Variants in LMBR1 observed in about 807,000 individuals in gnomAD.
LMBR1 encodes limb development membrane protein 1.
In LMBR1, 52 loss-of-function variants were observed where a neutral mutation model predicts 73.9. That is an observed-to-expected ratio of 0.70 (90% confidence interval 0.56 to 0.89). The LOEUF (loss-of-function observed/expected upper bound fraction) is 0.89, where lower values mean the gene tolerates loss of function less well. LMBR1 is among the 40% of genes least tolerant of loss of function. The pLI, the probability that LMBR1 is intolerant of heterozygous loss-of-function variation, is 0.00. For synonymous variants in LMBR1, 215 were observed against 209.4 expected (o/e 1.03, Z -0.23); for missense variants, 539 against 579.8 (o/e 0.93, Z 0.72).
chr7:156,832,152 T>A (rs1836808261), intron 3 of LMBR1, among the ~76,000 whole-genome samples: 1 of 152,230 alleles, frequency 6.6e-6, no homozygotes, highest in Non-Finnish European at 1.5e-5. Flanking sequence ...ATTTCCAGCA[T>A]AAAGTTACAG....
chr7:156,779,229 T>C lies in LMBR1; in HGVS notation c.424-15434A>G, dbSNP rs1190712791. ...TATTTTTATTTCCCAGTATGAACAC[T>C]TATCCTGCCATCCCCCACAAAAAAA... On this transcript the variant is annotated intron_variant, in intron 5 of 16. Coordinates refer to ENST00000353442, the MANE Select transcript of LMBR1 (RefSeq NM_022458.4). Among the ~76,000 whole-genome samples the C allele has an allele frequency of 1.3e-5, 2 of 152,202 alleles. No individual in the cohort carries two copies. Among genetic ancestry groups the C allele is most frequent in the African/African-American group, 4.8e-5 (2 of 41,436 alleles).
intron 4 of LMBR1, among the ~76,000 whole-genome samples, chr7:156,801,428 C>T (rs979624857): frequency 6.6e-6 from 1 of 152,158 alleles, no homozygotes. Context: ...TCTGAGAAAT[C>T]AAAAAATTTG....
chr7:156,736,520 C>T (rs1817900158), intron 9 of LMBR1: 3 of 456,652 alleles, frequency 6.6e-6, no homozygotes, highest in Non-Finnish European at 8.8e-6. Context: ...TCTCCTCCCT[C>T]CTGAATCCAT....
chr7:156,838,136 G>A lies in LMBR1; in HGVS notation c.67-1251C>T, dbSNP rs115586016. 4.2e-3 allele frequency among the ~76,000 whole-genome samples: 640 copies of A among 152,126 alleles called. 1 individual carries two copies. The highest frequency in any genetic ancestry group is 0.014 in the African/African-American group (580 of 41,486). ...AATAGAAGTTATACATATTTACTGT[G>A]TACAAAATGTTTTAAAATAAGATAC... On this transcript the variant is annotated intron_variant, in intron 1 of 16. Transcript: ENST00000353442.
At chr7:156,736,527 C>T (rs561566992) in intron 9 of LMBR1, 71 of 456,348 alleles carry the variant, frequency 1.6e-4, no homozygotes, top group Admixed American at 9.4e-4. Flanking sequence ...CCTCCTGAAT[C>T]CATTTTCCCA....
intron 4 of LMBR1, among the ~76,000 whole-genome samples, chr7:156,805,932 T>C (rs1831975706): frequency 6.6e-6 from 1 of 152,136 alleles, no homozygotes; most frequent in South Asian, 2.1e-4. Flanking sequence ...CTCTCAGCCA[T>C]GGAAGGATGC....
intron 3 of LMBR1, 21 bp from the exon 4 acceptor site, chr7:156,826,765 C>A: frequency 6.3e-7 from 1 of 1,591,074 alleles, no homozygotes; most frequent in South Asian, 1.1e-5. Context: ...GGAGAGTCAC[C>A]ATCACAAGTG....
At chr7:156,821,396 G>A (rs1374577501) in intron 4 of LMBR1, among the ~76,000 whole-genome samples, 1 of 152,218 alleles carries the variant, frequency 6.6e-6, no homozygotes, top group Non-Finnish European at 1.5e-5. Flanking sequence ...GTGGACAACT[G>A]CAGCACTACT....
chr7:156,699,277 C>T (rs1266118433), intron 15 of LMBR1, among the ~76,000 whole-genome samples: 1 of 152,124 alleles, frequency 6.6e-6, no homozygotes, highest in African/African-American at 2.4e-5. Flanking sequence ...TGATCTTTGA[C>T]AAACCTGACA....
chr7:156,795,286 T>C (rs1829884764), intron 5 of LMBR1, among the ~76,000 whole-genome samples: 1 of 152,178 alleles, frequency 6.6e-6, no homozygotes, highest in Non-Finnish European at 1.5e-5. Context: ...GACTTCATTA[T>C]ATAAAAGGGC....
At chr7:156,673,919 A>AAAAG (rs1803191137), downstream of LMBR1, among the ~76,000 whole-genome samples, 4 of 150,196 alleles carry the variant, frequency 2.7e-5, no homozygotes, top group South Asian at 4.2e-4. Context: ...AAAAAAAAAA[A>AAAAG]AAAGAAAAAG....
intron 1 of LMBR1, among the ~76,000 whole-genome samples, chr7:156,884,124 T>C (rs1372812366): frequency 1.3e-5 from 2 of 152,244 alleles, no homozygotes; most frequent in East Asian, 3.9e-4. Flanking sequence ...TGGATTTGTT[T>C]CTAATACATC....
At chr7:156,738,026 G>C (rs1345973390) in intron 9 of LMBR1, among the ~76,000 whole-genome samples, 1 of 152,148 alleles carries the variant, frequency 6.6e-6, no homozygotes, top group Non-Finnish European at 1.5e-5. Context: ...AACCAGGTGA[G>C]CACTCACAGT....
chr7:156,839,663 T>G (rs1451043947), intron 1 of LMBR1, among the ~76,000 whole-genome samples: 1 of 152,120 alleles, frequency 6.6e-6, no homozygotes, highest in African/African-American at 2.4e-5. Flanking sequence ...CACATCATCA[T>G]GTAGGAATGA....
chr7:156,723,822 G>A (rs2132359291), intron 15 of LMBR1, among the ~76,000 whole-genome samples: 1 of 152,150 alleles, frequency 6.6e-6, no homozygotes, highest in South Asian at 2.1e-4. Context: ...TAGAGGACTC[G>A]AAAGCCTAAC....
chr7:156,693,700 C>T (rs1266866128), intron 15 of LMBR1, among the ~76,000 whole-genome samples: 1 of 152,142 alleles, frequency 6.6e-6, no homozygotes, highest in Non-Finnish European at 1.5e-5. Flanking sequence ...AAGGTAAATT[C>T]AACCAGACAA....
intron 15 of LMBR1, among the ~76,000 whole-genome samples, chr7:156,694,008 T>G (rs1193742874): frequency 1.3e-5 from 2 of 152,168 alleles, no homozygotes; most frequent in African/African-American, 4.8e-5. Flanking sequence ...TGAAGGTCAA[T>G]CAATGTGATA....
intron 9 of LMBR1, among the ~76,000 whole-genome samples, chr7:156,742,785 C>T (rs1819138286): frequency 6.6e-6 from 1 of 151,966 alleles, no homozygotes; most frequent in Non-Finnish European, 1.5e-5. Flanking sequence ...ACCCTGATAC[C>T]AAGACACATC....
At chr7:156,811,242 G>T (rs202190295) in intron 4 of LMBR1, among the ~76,000 whole-genome samples, 3 of 151,910 alleles carry the variant, frequency 2.0e-5, no homozygotes, top group South Asian at 4.2e-4. Flanking sequence ...CTAGAATTTT[G>T]TTTTTTTACA....
Sources: gnomAD v4.1 joint callset for allele counts (sites outside exome capture counted in the v4.1 genomes callset) on GRCh38, gnomAD v4.1.1 for gene constraint, MANE v1.5 for transcripts, NCBI Gene and HGNC (gene_info 2026-07-23, HGNC 2026-07-21) for gene names.